The following OSBPL8 variants were observed in gnomAD, a reference collection of about 807,000 sequenced individuals.
OSBPL8 encodes oxysterol-binding protein-related protein 8.
OSBPL8 carries 59 observed loss-of-function variants against 125.5 expected under a neutral mutation model. The ratio of observed to expected loss-of-function variants is 0.47; its 90% CI spans 0.38 to 0.58. The LOEUF (loss-of-function observed/expected upper bound fraction) is 0.58, where lower values mean the gene tolerates loss of function less well. Ranked by LOEUF, OSBPL8 falls within the 20% of genes least tolerant of loss-of-function variation. The pLI, the probability that OSBPL8 is intolerant of heterozygous loss-of-function variation, is 0.00. For synonymous variants in OSBPL8, 330 were observed against 338.9 expected (o/e 0.97, Z 0.29); for missense variants, 758 against 1,047.8 (o/e 0.72, Z 3.82).
intron 1 of OSBPL8, among the ~76,000 whole-genome samples, chr12:76,542,608 G>A (rs1950677778): frequency 1.3e-5 from 2 of 152,104 alleles, no homozygotes; most frequent in Admixed American, 1.3e-4. Context: ...TAGAACCACT[G>A]GCCTACAGGA....
chr12:76,536,304 T>C (rs1055559266), intron 1 of OSBPL8, among the ~76,000 whole-genome samples: 1 of 151,920 alleles, frequency 6.6e-6, no homozygotes, highest in Admixed American at 6.6e-5. Flanking sequence ...CTGGCCAACA[T>C]GGTGAAACTA....
intron 1 of OSBPL8, among the ~76,000 whole-genome samples, chr12:76,536,058 G>A (rs1950487854): frequency 6.6e-6 from 1 of 151,938 alleles, no homozygotes; most frequent in Non-Finnish European, 1.5e-5. Flanking sequence ...AAGTAGTTTG[G>A]GTTTTTTTTA....
intron 1 of OSBPL8, among the ~76,000 whole-genome samples, chr12:76,515,361 T>C (rs1301693463): frequency 2.0e-5 from 3 of 152,216 alleles, no homozygotes; most frequent in African/African-American, 7.2e-5. Context: ...CAAGGCTTTG[T>C]GCAGGATCTT....
intron 4 of OSBPL8, among the ~76,000 whole-genome samples, chr12:76,424,224 C>T (rs1478320700): frequency 6.6e-6 from 1 of 152,172 alleles, no homozygotes; most frequent in African/African-American, 2.4e-5. Flanking sequence ...TGGTCTCAAA[C>T]TCCTGACCTC....
intron 1 of OSBPL8, among the ~76,000 whole-genome samples, chr12:76,528,784 G>A (rs1468610989): frequency 6.6e-6 from 1 of 152,068 alleles, no homozygotes; most frequent in Admixed American, 6.5e-5. Flanking sequence ...AGCCCAGAAG[G>A]CAGAGGTTGC....
rs1951953712 is a variant in OSBPL8, at chr12:76,355,596, TA to T, written c.*292del. 4.3e-6 allele frequency: 1 copy of T among 231,002 alleles called. No homozygotes were observed. The highest frequency in any genetic ancestry group is 8.4e-6 in the Non-Finnish European group (1 of 119,290). The allele number at this position is 231,002 out of a possible 1,614,324, so 14.3% of individuals were successfully genotyped here. A position where few individuals can be genotyped will look rare whatever the true frequency, so the allele number is the denominator to read the frequency against. The stretch of plus-strand genomic sequence containing the variant: ...AAGACTACTGTCAGGTAGGAGTACA[TA>T]AGAGACAATTGTGTATACATGTGGG... On this transcript the variant is annotated 3_prime_UTR_variant, in exon 24 of 24. Transcript: ENST00000261183.
At chr12:76,544,926 T>C (rs370549748) in intron 1 of OSBPL8, among the ~76,000 whole-genome samples, 72 of 152,220 alleles carry the variant, frequency 4.7e-4, no homozygotes, top group Non-Finnish European at 7.6e-4. Flanking sequence ...GATTACATAA[T>C]ATACTACCTG....
intron 1 of OSBPL8, among the ~76,000 whole-genome samples, chr12:76,537,636 C>T (rs551788950): frequency 7.2e-5 from 11 of 152,242 alleles, no homozygotes; most frequent in Admixed American, 6.5e-4. Flanking sequence ...AGGCCAGGCA[C>T]GGTGGCTCAC....
intron 4 of OSBPL8, among the ~76,000 whole-genome samples, chr12:76,445,388 T>C (rs1261856892): frequency 6.6e-6 from 1 of 152,030 alleles, no homozygotes; most frequent in African/African-American, 2.4e-5. Context: ...TGGGCATCAA[T>C]GAAATTAAAA....
intron 3 of OSBPL8, among the ~76,000 whole-genome samples, chr12:76,458,247 C>A (rs1874301050): frequency 6.6e-6 from 1 of 152,112 alleles, no homozygotes; most frequent in Non-Finnish European, 1.5e-5. Context: ...GCACTCCAGC[C>A]TGGGTGTCAG....
chr12:76,540,242 A>G (rs922382210), intron 1 of OSBPL8, among the ~76,000 whole-genome samples: 1 of 152,154 alleles, frequency 6.6e-6, no homozygotes, highest in Non-Finnish European at 1.5e-5. Context: ...ATAACCATAA[A>G]TTTTAGAGAT....
chr12:76,362,560 C>A (rs564440494), intron 21 of OSBPL8, among the ~76,000 whole-genome samples: 1 of 152,222 alleles, frequency 6.6e-6, no homozygotes, highest in East Asian at 1.9e-4. Context: ...TTATGACAAA[C>A]CCACAGCCGA....
intron 21 of OSBPL8, among the ~76,000 whole-genome samples, chr12:76,363,555 C>T (rs1467331822): frequency 1.3e-5 from 2 of 152,102 alleles, no homozygotes; most frequent in African/African-American, 2.4e-5. Context: ...ACCATAAAAA[C>T]GCAGAAGAAA....
chr12:76,534,402 T>C (rs761844013), intron 1 of OSBPL8: 1 of 152,210 alleles, frequency 6.6e-6, no homozygotes, highest in Non-Finnish European at 1.5e-5. Context: ...GTACACACTT[T>C]TGTTGCTGCA....
intron 1 of OSBPL8, among the ~76,000 whole-genome samples, chr12:76,520,077 A>G (rs1476818984): frequency 6.6e-6 from 1 of 152,202 alleles, no homozygotes; most frequent in Non-Finnish European, 1.5e-5. Flanking sequence ...GAGACCAGAG[A>G]TTATAACAAC....
intron 2 of OSBPL8, among the ~76,000 whole-genome samples, chr12:76,464,928 T>C (rs1875216005): frequency 6.6e-6 from 1 of 152,184 alleles, no homozygotes; most frequent in African/African-American, 2.4e-5. Flanking sequence ...GTGCTCTATT[T>C]AGCGTTATCA....
intron 1 of OSBPL8, among the ~76,000 whole-genome samples, chr12:76,524,750 C>T (rs1228104855): frequency 6.7e-6 from 1 of 149,658 alleles, no homozygotes; most frequent in African/African-American, 2.5e-5. Context: ...GTGGCACAAT[C>T]CTGGCTCACT....
intron 5 of OSBPL8, among the ~76,000 whole-genome samples, chr12:76,409,602 T>C (rs1954426771): frequency 1.3e-5 from 2 of 152,230 alleles, no homozygotes; most frequent in African/African-American, 4.8e-5. Flanking sequence ...TTTTCTCCCA[T>C]TGGTGATCCA....
intron 18 of OSBPL8, among the ~76,000 whole-genome samples, chr12:76,372,338 T>C (rs1319287551): frequency 6.6e-6 from 1 of 152,138 alleles, no homozygotes; most frequent in African/African-American, 2.4e-5. Context: ...CCTGAGTAGC[T>C]GGGACAGGCA....
Sources: gnomAD v4.1 joint callset for allele counts (sites outside exome capture counted in the v4.1 genomes callset) on GRCh38, gnomAD v4.1.1 for gene constraint, MANE v1.5 for transcripts, NCBI Gene and HGNC (gene_info 2026-07-23, HGNC 2026-07-21) for gene names.